Variants in MCF2 observed in about 807,000 individuals in gnomAD.
The protein encoded by MCF2 is proto-oncogene DBL.
MCF2 carries 44 observed loss-of-function variants against 82.5 expected under a neutral mutation model. That is an observed-to-expected ratio of 0.53 (90% CI 0.42 to 0.69). The LOEUF (loss-of-function observed/expected upper bound fraction) is 0.69, where lower values mean the gene tolerates loss of function less well. Among genes scored for constraint, MCF2 ranks in the 30% least tolerant of loss-of-function variants. MCF2 has a pLI of 0.00. For missense variants in MCF2, 623 were observed against 663.1 expected (o/e 0.94, Z 0.66); for synonymous variants, 217 against 224.9 (o/e 0.96, Z 0.32).
At chrX:139,666,203 T>G (rs1272854517) in intron 1 of MCF2, among the ~76,000 whole-genome samples, 3 of 106,353 alleles carry the variant, frequency 2.8e-5, no homozygotes, top group African/African-American at 1.1e-4. Flanking sequence ...GTCTTATTCA[T>G]TCATTCTTTT....
upstream of MCF2, chrX:139,645,701 G>A (rs1350758877): frequency 1.3e-6 from 1 of 770,192 alleles, no homozygotes; most frequent in Admixed American, 2.6e-5. Context: ...TAATAATAAT[G>A]CAAATTTGTT....
chrX:139,650,696 A>G (rs1471584334), intron 2 of MCF2, among the ~76,000 whole-genome samples: 3 of 112,190 alleles, frequency 2.7e-5, no homozygotes, highest in Non-Finnish European at 5.6e-5. Flanking sequence ...CTAAAGGGGC[A>G]GGATGGTTTA....
chrX:139,609,586 G>A (rs777082556), intron 11 of MCF2, among the ~76,000 whole-genome samples: 2 of 110,850 alleles, frequency 1.8e-5, no homozygotes, highest in East Asian at 2.8e-4. Flanking sequence ...AATGTGGGAT[G>A]TTGTAGCTAT....
At chrX:139,702,413 T>C (rs1358853233) in intron 1 of MCF2, 1 of 111,979 alleles carries the variant, frequency 8.9e-6, no homozygotes, top group Non-Finnish European at 1.9e-5. Flanking sequence ...TGTTCACTAT[T>C]GTGTCCCCAT....
At position 139,596,619 on chromosome X, in the gene MCF2, CA is replaced by C; in HGVS notation, c.2206del (p.Cys736AlafsTer34). ...TTCTCCACTTTCAACACGCCTTTTG[CA>C]AAAAACAATGGCTTTTTCATACAAG... On this transcript the variant is annotated frameshift_variant, in exon 19 of 25. Transcript: ENST00000370576. LOFTEE classifies it high-confidence loss of function. The C allele has an allele frequency of 8.3e-7, 1 of 1,210,200 alleles. No homozygotes were observed. Among genetic ancestry groups the C allele is most frequent in the Non-Finnish European group, 1.1e-6 (1 of 894,480 alleles).
chrX:139,615,081 T>C, intron 9 of MCF2, 29 bp from the exon 13 acceptor site: 1 of 1,124,973 alleles, frequency 8.9e-7, no homozygotes, highest in Non-Finnish European at 1.2e-6. Context: ...TTATAGGAAA[T>C]ATTTTATGAA....
intron 20 of MCF2, among the ~76,000 whole-genome samples, chrX:139,589,049 A>G (rs2148394473): frequency 8.9e-6 from 1 of 111,821 alleles, no homozygotes; most frequent in East Asian, 2.8e-4. Context: ...TTAAAATATA[A>G]CATTTTGATG....
At chrX:139,693,761 TTAAAAA>T (rs1429036218) in intron 1 of MCF2, among the ~76,000 whole-genome samples, 1 of 111,160 alleles carries the variant, frequency 9.0e-6, no homozygotes. Context: ...GTAAAATAAG[TTAAAAA>T]TAAATAAGAC....
At chrX:139,589,980 T>C (rs41310474) in intron 19 of MCF2, 53 bp from the exon 24 acceptor site, 7,648 of 752,788 alleles carry the variant, frequency 0.01, 47 homozygotes, top group Non-Finnish European at 0.012. Flanking sequence ...AATATGAAAT[T>C]ACATTAAATC....
chrX:139,645,005 T>C (rs1009110560), upstream of MCF2, among the ~76,000 whole-genome samples: 38 of 110,992 alleles, frequency 3.4e-4, 6 homozygotes, highest in Admixed American at 3.1e-3. Context: ...TACCTCTCGT[T>C]ATTTTAATTA....
At chrX:139,637,238 C>G (rs182919624) in intron 1 of MCF2, among the ~76,000 whole-genome samples, 5 of 112,080 alleles carry the variant, frequency 4.5e-5, no homozygotes, top group Non-Finnish European at 9.4e-5. Context: ...TAGGCAATAG[C>G]TACACAACTA....
exon 1 of MCF2, chrX:139,642,690 A>C: frequency 9.1e-7 from 1 of 1,098,719 alleles, no homozygotes; most frequent in Non-Finnish European, 1.2e-6. Flanking sequence ...AGGAAAAAAA[A>C]AAAAAAACCA....
chrX:139,649,849 C>T (rs1336052813), intron 2 of MCF2, among the ~76,000 whole-genome samples: 2 of 111,522 alleles, frequency 1.8e-5, no homozygotes, highest in African/African-American at 3.3e-5. Context: ...ATTTAGAACA[C>T]GGTTTGGAAA....
intron 10 of MCF2, among the ~76,000 whole-genome samples, 165 bp from the exon 15 acceptor site, chrX:139,610,503 A>G (rs909146443): frequency 8.9e-6 from 1 of 111,763 alleles, no homozygotes; most frequent in African/African-American, 3.2e-5. Flanking sequence ...GGACTTACTC[A>G]CATGATTTCA....
intron 24 of MCF2, among the ~76,000 whole-genome samples, chrX:139,584,271 G>A (rs1928750196): frequency 9.1e-6 from 1 of 109,514 alleles, no homozygotes; most frequent in South Asian, 4.0e-4. Flanking sequence ...GAATAGCTGG[G>A]ATTACAGGCA....
chrX:139,614,582 A>G, intron 10 of MCF2, among the ~76,000 whole-genome samples: 1 of 109,383 alleles, frequency 9.1e-6, no homozygotes, highest in Admixed American at 9.8e-5. Context: ...ACTTTCCTTC[A>G]CCTGCTGGAA....
At chrX:139,609,603 T>C (rs1002402316) in intron 11 of MCF2, among the ~76,000 whole-genome samples, 3 of 109,388 alleles carry the variant, frequency 2.7e-5, no homozygotes, top group African/African-American at 1.0e-4. Context: ...CTATGATGAG[T>C]CTACTTCTTT....
At position 139,687,063 on chromosome X, in the gene MCF2, T is replaced by C. The variant is rs5907104; in HGVS notation, c.-45+21043A>G. 4.7e-5 allele frequency among the ~76,000 whole-genome samples: 5 copies of C among 105,641 alleles called. No homozygotes were observed. In the East Asian group the frequency reaches 9.1e-4, roughly 19 times the overall value. The allele number at this position is 105,641 out of a possible 115,157, so 91.7% of individuals were successfully genotyped here. On this transcript the variant is annotated intron_variant, in intron 1 of 27. Transcript: ENST00000414978. Reference sequence around the variant, plus strand: ...TGCACACACACAACACACACACACATACACACACACACACATATGCAAACA... The same window carrying C: ...TGCACACACACAACACACACACACACACACACACACACACATATGCAAACA...
At chrX:139,625,452 G>A (rs901413136) in intron 6 of MCF2, among the ~76,000 whole-genome samples, 2 of 111,297 alleles carry the variant, frequency 1.8e-5, no homozygotes, top group Admixed American at 9.6e-5. Context: ...TGAGCCCCGC[G>A]TCCAGAGTAC....
Sources: allele counts gnomAD v4.1 joint callset (sites outside exome capture counted in the v4.1 genomes callset), GRCh38; gene constraint gnomAD v4.1.1; transcripts MANE v1.5; gene names NCBI Gene and HGNC (gene_info 2026-07-23, HGNC 2026-07-21).